The following GLYATL2 variants were observed in gnomAD, a reference collection of about 807,000 sequenced individuals.
GLYATL2 encodes the protein glycine N-acyltransferase-like protein 2.
A neutral mutation model predicts 21.4 loss-of-function variants in GLYATL2; 25 were observed. The observed-to-expected ratio is 1.17, with a 90% CI of 0.85 to 1.63. The LOEUF is 1.63. Among genes scored for constraint, GLYATL2 ranks in the 40% most tolerant of loss-of-function variants. The probability of loss-of-function intolerance (pLI) is 0.00; values close to 1 mark genes in which losing one functional copy is unlikely to be tolerated. For missense variants in GLYATL2, 361 were observed against 343.3 expected (o/e 1.05, Z -0.41); for synonymous variants, 114 against 118.2 (o/e 0.96, Z 0.23).
At chr11:58,898,792 C>A (rs749318442) in intron 1 of GLYATL2, among the ~76,000 whole-genome samples, 1 of 151,996 alleles carries the variant, frequency 6.6e-6, no homozygotes, top group Non-Finnish European at 1.5e-5. Context: ...GAGATCGCGC[C>A]ACTGCACTTC....
intron 1 of GLYATL2, among the ~76,000 whole-genome samples, chr11:58,883,112 G>T (rs187179269): frequency 6.6e-6 from 1 of 152,266 alleles, no homozygotes; most frequent in Non-Finnish European, 1.5e-5. Context: ...ATAGCTTTAT[G>T]GGGATGGCAT....
Position 58,895,444 on chromosome 11 carries a change from T to A in GLYATL2, n.60+8712A>T, listed in dbSNP as rs567719857. On this transcript the variant is annotated intron_variant and non_coding_transcript_variant, in intron 1 of 4. Coordinates refer to the GLYATL2 transcript ENST00000533636. The stretch of plus-strand genomic sequence containing the variant: ...ACACAACAGAAATTGATTTCTCACT[T>A]TTCTGGAACCTGGGAAGGGACATGA... Among the ~76,000 whole-genome samples, 21 of 152,312 alleles carry A rather than the reference T, an allele frequency of 1.4e-4. No individual in the cohort carries two copies. The South Asian group carries it at 2.3e-3, about 17-fold the overall frequency.
chr11:58,862,134 T>C (rs1853943420), intron 1 of GLYATL2, among the ~76,000 whole-genome samples: 1 of 152,292 alleles, frequency 6.6e-6, no homozygotes, highest in African/African-American at 2.4e-5. Context: ...GAATATATCA[T>C]TCCATGCTCT....
intron 1 of GLYATL2, among the ~76,000 whole-genome samples, chr11:58,873,346 G>A (rs1165843213): frequency 6.6e-6 from 1 of 151,976 alleles, no homozygotes; most frequent in African/African-American, 2.4e-5. Flanking sequence ...GTGAAAGAGG[G>A]CATCCCTGTC....
chr11:58,906,940 A>C (rs1854905090), upstream of GLYATL2, among the ~76,000 whole-genome samples: 1 of 152,192 alleles, frequency 6.6e-6, no homozygotes, highest in Non-Finnish European at 1.5e-5. Context: ...ACTGAATCAG[A>C]GTCTGTGAAG....
intron 1 of GLYATL2, chr11:58,892,884 C>CT (rs1311853461): frequency 6.5e-5 from 20 of 307,106 alleles, no homozygotes; most frequent in African/African-American, 4.0e-4. Flanking sequence ...ATTCCTTGTA[C>CT]TTTTTTGTAA....
At chr11:58,862,866 G>A (rs537044631) in intron 1 of GLYATL2, among the ~76,000 whole-genome samples, 2 of 151,834 alleles carry the variant, frequency 1.3e-5, no homozygotes, top group African/African-American at 2.4e-5. Context: ...TTCTCTGATA[G>A]TTCTTGATAT....
chr11:58,849,152 C>G (rs1313709746), upstream of GLYATL2, among the ~76,000 whole-genome samples: 1 of 152,112 alleles, frequency 6.6e-6, no homozygotes, highest in African/African-American at 2.4e-5. Context: ...GGGATTTCAT[C>G]AATATCAGAC....
At chr11:58,874,947 G>T (rs1202257943) in intron 1 of GLYATL2, among the ~76,000 whole-genome samples, 1 of 152,122 alleles carries the variant, frequency 6.6e-6, no homozygotes, top group African/African-American at 2.4e-5. Flanking sequence ...GGTCACTAAG[G>T]ACTTGCTTTA....
At chr11:58,871,870 C>G (rs138448301) in intron 1 of GLYATL2, among the ~76,000 whole-genome samples, 6,756 of 152,284 alleles carry the variant, frequency 0.044, 232 homozygotes, top group Non-Finnish European at 0.07. Context: ...CTGTCTTCCA[C>G]AATGGTTGAA....
chr11:58,879,978 C>T (rs1158164923), intron 1 of GLYATL2, among the ~76,000 whole-genome samples: 3 of 151,820 alleles, frequency 2.0e-5, no homozygotes, highest in Non-Finnish European at 2.9e-5. Flanking sequence ...CCTGCCTCAG[C>T]CTCCCAAGTA....
chr11:58,835,731 C>T (rs2134566988), intron 5 of GLYATL2, among the ~76,000 whole-genome samples: 1 of 152,272 alleles, frequency 6.6e-6, no homozygotes, highest in South Asian at 2.1e-4. Flanking sequence ...TTCCTGTACC[C>T]TCTCCTGTGG....
At chr11:58,870,526 T>C (rs1345936489) in intron 1 of GLYATL2, among the ~76,000 whole-genome samples, 4 of 152,294 alleles carry the variant, frequency 2.6e-5, no homozygotes, top group Middle Eastern at 3.4e-3. Flanking sequence ...TGGTTTTCCA[T>C]TGAGAAAAGA....
intron 1 of GLYATL2, among the ~76,000 whole-genome samples, chr11:58,889,493 A>G (rs543129526): frequency 6.6e-6 from 1 of 152,192 alleles, no homozygotes; most frequent in East Asian, 1.9e-4. Context: ...AGCTGTAACA[A>G]CTTACATCTG....
At chr11:58,884,634 C>T (rs1304858213) in intron 1 of GLYATL2, among the ~76,000 whole-genome samples, 1 of 152,176 alleles carries the variant, frequency 6.6e-6, no homozygotes, top group East Asian at 1.9e-4. Context: ...GGGAACCTCA[C>T]AGAACTCTTA....
chr11:58,840,126 C>T (rs183917235), intron 1 of GLYATL2, among the ~76,000 whole-genome samples: 6 of 151,670 alleles, frequency 4.0e-5, no homozygotes, highest in Admixed American at 2.0e-4. Context: ...ATCTTGCAGA[C>T]TATATTGTGT....
At chr11:58,853,108 G>A (rs1332196699) in intron 1 of GLYATL2, among the ~76,000 whole-genome samples, 1 of 152,114 alleles carries the variant, frequency 6.6e-6, no homozygotes, top group East Asian at 1.9e-4. Context: ...TGTGACTTTA[G>A]ATGAATTCAT....
intron 1 of GLYATL2, among the ~76,000 whole-genome samples, chr11:58,869,099 A>G (rs1854070701): frequency 6.6e-6 from 1 of 152,168 alleles, no homozygotes; most frequent in East Asian, 1.9e-4. Context: ...ATTGAGCCCA[A>G]CCAATGGAGA....
At chr11:58,862,453 C>G (rs1277914257) in intron 1 of GLYATL2, among the ~76,000 whole-genome samples, 1 of 152,142 alleles carries the variant, frequency 6.6e-6, no homozygotes, top group Non-Finnish European at 1.5e-5. Flanking sequence ...CATTGGATCT[C>G]TTACTGATAT....
Sources: gnomAD v4.1 joint callset for allele counts (sites outside exome capture counted in the v4.1 genomes callset) on GRCh38, gnomAD v4.1.1 for gene constraint, MANE v1.5 for transcripts, NCBI Gene and HGNC (gene_info 2026-07-23, HGNC 2026-07-21) for gene names.